PIP5K1B: variants seen among roughly 807,000 people sequenced by gnomAD.
PIP5K1B encodes phosphatidylinositol 4-phosphate 5-kinase type-1 beta.
A neutral mutation model predicts 67.0 loss-of-function variants in PIP5K1B; 42 were observed. The observed-to-expected ratio is 0.63, with a 90% confidence interval of 0.49 to 0.81. The LOEUF (loss-of-function observed/expected upper bound fraction) is 0.81, where lower values mean the gene tolerates loss of function less well. Ranked by LOEUF, PIP5K1B falls within the 30% of genes least tolerant of loss-of-function variation. The probability of loss-of-function intolerance (pLI) is 0.00; values close to 1 mark genes in which losing one functional copy is unlikely to be tolerated. For missense variants in PIP5K1B, 459 were observed against 646.3 expected (o/e 0.71, Z 3.14); for synonymous variants, 214 against 231.4 (o/e 0.92, Z 0.68).
chr9:68,940,991 A>G, intron 14 of PIP5K1B: 1 of 669,454 alleles, frequency 1.5e-6, no homozygotes, highest in Non-Finnish European at 2.7e-6. Context: ...TTTTCTTTAC[A>G]GTTGATCATT....
intron 2 of PIP5K1B, chr9:68,779,915 A>C (rs909370048): frequency 9.0e-6 from 4 of 445,546 alleles, no homozygotes; most frequent in Non-Finnish European, 1.5e-5. Flanking sequence ...TATTTGCCGA[A>C]GGAATATACG....
At chr9:68,818,315 T>C (rs1363686996) in intron 2 of PIP5K1B, 146 bp from the exon 3 acceptor site, 3 of 152,252 alleles carry the variant, frequency 2.0e-5, no homozygotes, top group Non-Finnish European at 2.9e-5. Flanking sequence ...TTGCTCTCCA[T>C]GTTTATTTTC....
intron 2 of PIP5K1B, among the ~76,000 whole-genome samples, chr9:68,808,414 C>A (rs1032523333): frequency 2.0e-5 from 3 of 152,014 alleles, no homozygotes; most frequent in African/African-American, 7.3e-5. Context: ...TTCCCCACCA[C>A]CCCGACACTA....
intron 1 of PIP5K1B, among the ~76,000 whole-genome samples, chr9:68,712,658 C>T (rs1326010279): frequency 6.6e-6 from 1 of 152,188 alleles, no homozygotes; most frequent in Non-Finnish European, 1.5e-5. Flanking sequence ...GAGGACAGTG[C>T]TTACGTGTTA....
rs1178051887 is a variant in PIP5K1B at position 68,872,193 on chromosome 9, G to C, written c.201-4484G>C. 2.0e-5 allele frequency among the ~76,000 whole-genome samples: 3 copies of C among 151,988 alleles called. No homozygotes were observed. In the East Asian group the frequency reaches 5.8e-4, roughly 29 times the overall value. ...GGAGATTCTGTGCTGAACGCCTGTG[G>C]GCTGGCACCCACATCTACACACAGT... is the stretch of plus-strand genomic sequence containing the variant. On this transcript the variant is annotated intron_variant, in intron 5 of 15. Coordinates refer to ENST00000265382, the MANE Select transcript of PIP5K1B (RefSeq NM_003558.4).
chr9:68,914,789 C>G (rs1011608756), intron 8 of PIP5K1B, among the ~76,000 whole-genome samples: 4 of 152,012 alleles, frequency 2.6e-5, no homozygotes, highest in African/African-American at 9.7e-5. Flanking sequence ...TGTCAGCCAT[C>G]CAGGCCATAC....
intron 2 of PIP5K1B, among the ~76,000 whole-genome samples, chr9:68,814,367 CA>C (rs1456556116): frequency 1.3e-5 from 2 of 152,090 alleles, no homozygotes; most frequent in Non-Finnish European, 2.9e-5. Flanking sequence ...AGTATAGTAA[CA>C]ACAAATGTAA....
chr9:68,830,222 T>C (rs1212504319), intron 4 of PIP5K1B, among the ~76,000 whole-genome samples: 1 of 152,138 alleles, frequency 6.6e-6, no homozygotes, highest in Non-Finnish European at 1.5e-5. Context: ...ATTTTTTAAA[T>C]AATTCCGTTA....
chr9:68,953,301 TTTCC>T (rs1282547788), intron 14 of PIP5K1B, among the ~76,000 whole-genome samples: 1 of 152,192 alleles, frequency 6.6e-6, no homozygotes, highest in East Asian at 1.9e-4. Flanking sequence ...TTTAGCAATC[TTTCC>T]TTTTTTCATG....
chr9:68,877,476 A>G (rs1823955129), intron 6 of PIP5K1B, among the ~76,000 whole-genome samples: 1 of 152,172 alleles, frequency 6.6e-6, no homozygotes, highest in African/African-American at 2.4e-5. Context: ...TAATTTGATC[A>G]CTGTTAACAC....
chr9:68,743,144 G>A (rs1829098068), intron 2 of PIP5K1B, among the ~76,000 whole-genome samples: 1 of 151,990 alleles, frequency 6.6e-6, no homozygotes, highest in African/African-American at 2.4e-5. Context: ...ACCTAGTGGG[G>A]AGCAGGCCCA....
intron 12 of PIP5K1B, among the ~76,000 whole-genome samples, chr9:68,924,404 A>T (rs868249112): frequency 9.8e-5 from 11 of 112,378 alleles, no homozygotes; most frequent in South Asian, 6.1e-4. Context: ...TGCGCCTCAA[A>T]AAAAAAAAAA....
At chr9:68,889,217 A>T in intron 7 of PIP5K1B, 84 bp downstream of exon 7, 1 of 974,526 alleles carries the variant, frequency 1.0e-6, no homozygotes. Flanking sequence ...TTTTTCAGTG[A>T]CTCAGGCATG....
chr9:68,914,378 G>A (rs1825990362), intron 8 of PIP5K1B, among the ~76,000 whole-genome samples: 1 of 152,116 alleles, frequency 6.6e-6, no homozygotes, highest in Non-Finnish European at 1.5e-5. Flanking sequence ...CTGCTTTGGA[G>A]GATGCTTTGG....
At chr9:69,007,587 G>A (rs999073889) in intron 15 of PIP5K1B, among the ~76,000 whole-genome samples, 3 of 152,308 alleles carry the variant, frequency 2.0e-5, no homozygotes, top group South Asian at 2.1e-4. Context: ...GCCGGGTGAG[G>A]TGGCTCACGC....
At chr9:68,826,980 G>A (rs753394815) in intron 4 of PIP5K1B, among the ~76,000 whole-genome samples, 2 of 152,136 alleles carry the variant, frequency 1.3e-5, no homozygotes, top group African/African-American at 2.4e-5. Context: ...TCGAACTCCT[G>A]AGCTCAGGCA....
At chr9:68,884,727 T>C (rs1824379615) in intron 6 of PIP5K1B, among the ~76,000 whole-genome samples, 1 of 150,768 alleles carries the variant, frequency 6.6e-6, no homozygotes, top group Non-Finnish European at 1.5e-5. Flanking sequence ...TGGTCAACAT[T>C]CTTAATCATG....
chr9:68,978,647 A>G (rs971855853), intron 14 of PIP5K1B, among the ~76,000 whole-genome samples: 1 of 152,226 alleles, frequency 6.6e-6, no homozygotes, highest in African/African-American at 2.4e-5. Flanking sequence ...ATACATTTGA[A>G]TGGATGATTG....
intron 3 of PIP5K1B, 161 bp from the exon 4 acceptor site, chr9:68,822,454 T>G (rs576604385): frequency 3.8e-6 from 2 of 522,662 alleles, no homozygotes; most frequent in Non-Finnish European, 6.9e-6. Flanking sequence ...GCAGATTTCT[T>G]TTTTAGTATT....
Sources: allele counts gnomAD v4.1 joint callset (sites outside exome capture counted in the v4.1 genomes callset), GRCh38; gene constraint gnomAD v4.1.1; transcripts MANE v1.5; gene names NCBI Gene and HGNC (gene_info 2026-07-23, HGNC 2026-07-21).